ANKS1A: variants seen among roughly 807,000 people sequenced by gnomAD.
The protein encoded by ANKS1A is ankyrin repeat and sterile alpha motif domain containing 1A.
A neutral mutation model predicts 120.3 loss-of-function variants in ANKS1A; 55 were observed. That is an observed-to-expected ratio of 0.46 (90% CI 0.37 to 0.57). The LOEUF is 0.57. ANKS1A is among the 20% of genes least tolerant of loss of function. The probability of loss-of-function intolerance (pLI) is 0.00; values close to 1 mark genes in which losing one functional copy is unlikely to be tolerated. For missense variants in ANKS1A, 1,123 were observed against 1,480.3 expected (o/e 0.76, Z 3.96); for synonymous variants, 590 against 604.7 (o/e 0.98, Z 0.36).
intron 1 of ANKS1A, among the ~76,000 whole-genome samples, chr6:34,942,258 T>C (rs1769572955): frequency 6.6e-6 from 1 of 152,230 alleles, no homozygotes; most frequent in Non-Finnish European, 1.5e-5. Context: ...GAACATTTTC[T>C]CTACTTTACC....
intron 11 of ANKS1A, chr6:35,038,354 T>C: frequency 2.2e-6 from 1 of 456,432 alleles, no homozygotes; most frequent in Non-Finnish European, 4.4e-6. Flanking sequence ...CAATACAGTT[T>C]CGACCGGTCC....
At chr6:35,016,279 C>T (rs1002141899) in intron 10 of ANKS1A, among the ~76,000 whole-genome samples, 1 of 152,062 alleles carries the variant, frequency 6.6e-6, no homozygotes. Context: ...CATAGTTGAC[C>T]CTTTTGGTTC....
downstream of ANKS1A, among the ~76,000 whole-genome samples, chr6:35,096,182 A>C (rs921695715): frequency 2.6e-5 from 4 of 152,134 alleles, no homozygotes; most frequent in African/African-American, 9.7e-5. Context: ...AGCCAGGTGA[A>C]TCTCCTGTAG....
intron 23 of ANKS1A, among the ~76,000 whole-genome samples, chr6:35,087,500 G>A (rs1778059636): frequency 1.3e-5 from 2 of 152,168 alleles, no homozygotes; most frequent in Admixed American, 6.5e-5. Flanking sequence ...GCTGGGCACC[G>A]TTGCCAAGAG....
chr6:34,945,571 C>T (rs1354255528), intron 1 of ANKS1A, among the ~76,000 whole-genome samples: 2 of 152,168 alleles, frequency 1.3e-5, no homozygotes, highest in Non-Finnish European at 1.5e-5. Context: ...GCTCTCTATT[C>T]TGTTCCACTA....
At chr6:35,029,783 T>TA (rs1774811538) in intron 11 of ANKS1A, among the ~76,000 whole-genome samples, 1 of 148,452 alleles carries the variant, frequency 6.7e-6, no homozygotes, top group Admixed American at 6.8e-5. Context: ...AATATATACT[T>TA]ATATGTAATA....
At chr6:35,095,625 C>CA (rs796680319), downstream of ANKS1A, among the ~76,000 whole-genome samples, 181 of 94,314 alleles carry the variant, frequency 1.9e-3, 1 homozygote, top group South Asian at 0.022. Flanking sequence ...CAAAAAACAA[C>CA]AAAAAAAACA....
downstream of ANKS1A, among the ~76,000 whole-genome samples, chr6:35,091,827 G>T (rs566622197): frequency 2.0e-4 from 30 of 152,312 alleles, no homozygotes; most frequent in East Asian, 2.5e-3. Flanking sequence ...GGATTGCAGA[G>T]GTTAAGTTTT....
chr6:34,905,107 G>A (rs1468321668), intron 1 of ANKS1A, among the ~76,000 whole-genome samples: 3 of 152,184 alleles, frequency 2.0e-5, no homozygotes, highest in Non-Finnish European at 2.9e-5. Flanking sequence ...CACTGTGCCC[G>A]GTCAACGTCT....
chr6:34,984,641 G>A (rs1278690068), intron 7 of ANKS1A, among the ~76,000 whole-genome samples: 1 of 152,166 alleles, frequency 6.6e-6, no homozygotes, highest in Admixed American at 6.5e-5. Flanking sequence ...TATCTAACAG[G>A]CCAAGCTAAC....
intron 17 of ANKS1A, among the ~76,000 whole-genome samples, chr6:35,081,762 T>C (rs1262213788): frequency 6.6e-6 from 1 of 152,198 alleles, no homozygotes; most frequent in Non-Finnish European, 1.5e-5. Context: ...CACTCCTGGC[T>C]CACCTTCTCA....
chr6:34,904,060 C>T (rs1490761555), intron 1 of ANKS1A, among the ~76,000 whole-genome samples: 2 of 152,074 alleles, frequency 1.3e-5, no homozygotes, highest in Non-Finnish European at 1.5e-5. Context: ...TACAGTCGTC[C>T]CTCAGTCTCC....
Position 35,057,259 on chromosome 6 carries a change from C to T in ANKS1A, c.2078-2888C>T, listed in dbSNP as rs1435861187. Among the ~76,000 whole-genome samples, 3 of 152,136 alleles carry T rather than the reference C, an allele frequency of 2.0e-5. No individual in the cohort carries two copies. Among genetic ancestry groups the T allele is most frequent in the Admixed American group, 6.5e-5 (1 of 15,286 alleles). On this transcript the variant is annotated intron_variant, in intron 12 of 23. Transcript: ENST00000360359. The surrounding 1 kb of genome is among the most constrained non-coding windows in gnomAD (Gnocchi z 4.1). ...CAGAAGCGTTTACAGCTAACTCATC[C>T]CTGTGCCAACTCCCATTCTCAGGAG...
At chr6:34,976,344 C>G (rs1256731521) in intron 3 of ANKS1A, among the ~76,000 whole-genome samples, 1 of 152,036 alleles carries the variant, frequency 6.6e-6, no homozygotes, top group Non-Finnish European at 1.5e-5. Flanking sequence ...CTTTCATGTT[C>G]TTTTTTGACA....
intron 11 of ANKS1A, among the ~76,000 whole-genome samples, chr6:35,037,981 T>G (rs1775267522): frequency 6.6e-6 from 1 of 151,958 alleles, no homozygotes; most frequent in Non-Finnish European, 1.5e-5. Flanking sequence ...GAGGGCACGA[T>G]GGAGTGAATG....
chr6:34,980,479 T>C (rs1281926505), intron 3 of ANKS1A, among the ~76,000 whole-genome samples: 1 of 152,242 alleles, frequency 6.6e-6, no homozygotes, highest in Non-Finnish European at 1.5e-5. Context: ...CAGATGGAAT[T>C]GCATATGCAT....
chr6:34,943,711 C>T (rs1309780127), intron 1 of ANKS1A, among the ~76,000 whole-genome samples: 1 of 152,150 alleles, frequency 6.6e-6, no homozygotes, highest in African/African-American at 2.4e-5. Context: ...GCTTCTTTCA[C>T]CTAACAATAT....
chr6:35,096,877 T>C, the ANKS1A span, among the ~76,000 whole-genome samples: 2 of 149,664 alleles, frequency 1.3e-5, no homozygotes, highest in African/African-American at 2.4e-5. Context: ...CAGAGCTCAA[T>C]GGTCATTAGT....
intron 10 of ANKS1A, among the ~76,000 whole-genome samples, chr6:34,998,400 A>G (rs1199382950): frequency 6.6e-6 from 1 of 152,156 alleles, no homozygotes; most frequent in Admixed American, 6.5e-5. Context: ...TTTTATACTC[A>G]GAAAAGAAAA....
Sources: allele counts gnomAD v4.1 joint callset (sites outside exome capture counted in the v4.1 genomes callset), GRCh38; gene constraint gnomAD v4.1.1; non-coding constraint Gnocchi (gnomAD v3.1); transcripts MANE v1.5; gene names NCBI Gene and HGNC (gene_info 2026-07-23, HGNC 2026-07-21).